AFF3: variants seen among roughly 807,000 people sequenced by gnomAD.
AFF3 encodes the protein ALF transcription elongation factor 3.
In AFF3, 32 loss-of-function variants were observed where a neutral mutation model predicts 129.7. The ratio of observed to expected loss-of-function variants is 0.25; its 90% confidence interval spans 0.19 to 0.33. AFF3 has a LOEUF of 0.33. Among genes scored for constraint, AFF3 ranks in the 10% least tolerant of loss-of-function variants. The pLI is 1.00. For missense variants in AFF3, 1,373 were observed against 1,592.0 expected (o/e 0.86, Z 2.34); for synonymous variants, 644 against 635.4 (o/e 1.01, Z -0.20).
At chr2:99,987,017 T>C (rs1679934628) in intron 7 of AFF3, among the ~76,000 whole-genome samples, 2 of 152,220 alleles carry the variant, frequency 1.3e-5, no homozygotes, top group Admixed American at 1.3e-4. Flanking sequence ...GGCCGATCGT[T>C]ACAAACGTAA....
At chr2:99,568,744 C>A (rs1676210069) in intron 19 of AFF3, 108 bp downstream of exon 19, 3 of 1,106,178 alleles carry the variant, frequency 2.7e-6, no homozygotes, top group Non-Finnish European at 4.1e-6. Context: ...ACAGACCCGG[C>A]CATCCTTGTA....
At chr2:100,036,749 G>T (rs1684944859) in intron 4 of AFF3, among the ~76,000 whole-genome samples, 1 of 148,510 alleles carries the variant, frequency 6.7e-6, no homozygotes, top group Non-Finnish European at 1.5e-5. Context: ...GAAAATCAGA[G>T]AAATATGAGT....
chr2:99,719,877 A>C (rs926322515), intron 11 of AFF3, among the ~76,000 whole-genome samples: 1 of 152,086 alleles, frequency 6.6e-6, no homozygotes, highest in African/African-American at 2.4e-5. Context: ...CTCTACTAAA[A>C]ATACAAAAAA....
intron 1 of AFF3, among the ~76,000 whole-genome samples, chr2:100,140,188 A>G (rs946710399): frequency 2.3e-4 from 35 of 152,164 alleles, no homozygotes; most frequent in African/African-American, 8.4e-4. Context: ...AGGACATTAC[A>G]CCCACTTCAC....
intron 20 of AFF3, among the ~76,000 whole-genome samples, chr2:99,562,934 G>T (rs528359913): frequency 5.1e-4 from 78 of 152,268 alleles, no homozygotes; most frequent in Middle Eastern, 3.4e-3. Context: ...TGCCTGCGGA[G>T]AGTGGAAGGG....
intron 8 of AFF3, among the ~76,000 whole-genome samples, chr2:99,768,681 G>A (rs1193986422): frequency 6.6e-6 from 1 of 152,100 alleles, no homozygotes; most frequent in African/African-American, 2.4e-5. Flanking sequence ...CGACAGGTCT[G>A]GTGTTGAGGA....
At chr2:99,893,678 G>C (rs990595664) in intron 7 of AFF3, among the ~76,000 whole-genome samples, 1 of 152,170 alleles carries the variant, frequency 6.6e-6, no homozygotes, top group Non-Finnish European at 1.5e-5. Context: ...ATGGCATTTT[G>C]TTACGGCAGC....
intron 7 of AFF3, among the ~76,000 whole-genome samples, chr2:99,979,536 T>C (rs1679204432): frequency 6.6e-6 from 1 of 151,922 alleles, no homozygotes; most frequent in Admixed American, 6.6e-5. Context: ...TGGAGTGCAG[T>C]GGTATAATCA....
chr2:99,557,617 T>G (rs886905772), intron 22 of AFF3, among the ~76,000 whole-genome samples: 2 of 152,208 alleles, frequency 1.3e-5, no homozygotes, highest in Non-Finnish European at 2.9e-5. Flanking sequence ...ACGTTCTGGA[T>G]TTTTGAACAC....
rs1285811831 is a variant in AFF3, at chr2:99,703,456, A to G, written c.1091+23621T>C. ...CGATGTGAAGTTTGGATTGAAGTTC[A>G]TTTTATTTTAGCCTATGAATGTCCG... On this transcript the variant is annotated intron_variant, in intron 11 of 24. Transcript: ENST00000672756. 2.6e-5 allele frequency among the ~76,000 whole-genome samples: 4 copies of G among 152,262 alleles called. No individual in the cohort carries two copies. The East Asian group carries it at 7.7e-4, about 29-fold the overall frequency.
In AFF3 at chr2:99,914,128, T is replaced by C. The variant is rs577417037; in HGVS notation, c.874-76604A>G. Among the ~76,000 whole-genome samples the C allele has an allele frequency of 9.2e-4, 140 of 152,302 alleles. 1 individual carries two copies. The highest frequency in any genetic ancestry group is 3.5e-3 in the South Asian group (17 of 4,830). On this transcript the variant is annotated intron_variant, in intron 7 of 24. Coordinates refer to ENST00000672756, the MANE Select transcript of AFF3 (RefSeq NM_001386135.1). ...AACTTCAGTGGAGAAACTTGGCAGA[T>C]ACCCTCTTAACCAAGTGATGGCATT... is the stretch of plus-strand genomic sequence containing the variant.
chr2:99,554,528 A>G lies in AFF3; in HGVS notation c.3342T>C (p.Thr1114=). 6.2e-7 allele frequency: 1 copy of G among 1,612,886 alleles called. No homozygotes were observed. The highest frequency in any genetic ancestry group is 8.5e-7 in the Non-Finnish European group (1 of 1,179,558). Reference sequence around the variant, plus strand: ...TGGGAGACATGGGGGATGGGGTTCCAGTGCTCCTGGAAGGGGAGAGGTAGA... The same window carrying G: ...TGGGAGACATGGGGGATGGGGTTCCGGTGCTCCTGGAAGGGGAGAGGTAGA... ...PSPWGASGKS[T]GTPSPMSPNP... The change falls in exon 24 of 25, where the codon ACT becomes ACC. Residue 1114 remains threonine, a synonymous_variant. Transcript: ENST00000672756.
intron 11 of AFF3, among the ~76,000 whole-genome samples, chr2:99,715,437 G>A (rs1041127506): frequency 7.9e-5 from 12 of 152,060 alleles, no homozygotes; most frequent in Admixed American, 2.0e-4. Flanking sequence ...TACGAAACAG[G>A]CACTTTCCAT....
rs1223634487 is a variant in AFF3, at chr2:100,046,941, C to T, written c.54-38009G>A. ...AGAATAGGATTTCTCAGAATGAAAA[C>T]AAATCTATGACTCCTCTTAACAGCC... On this transcript the variant is annotated intron_variant, in intron 4 of 24. Coordinates refer to ENST00000672756, the MANE Select transcript of AFF3 (RefSeq NM_001386135.1). Among the ~76,000 whole-genome samples, 4 of 149,740 alleles carry T rather than the reference C, an allele frequency of 2.7e-5. No individual in the cohort carries two copies. The East Asian group carries it at 5.9e-4, about 22-fold the overall frequency.
intron 7 of AFF3, among the ~76,000 whole-genome samples, chr2:99,856,378 G>A (rs965213256): frequency 6.6e-6 from 1 of 152,092 alleles, no homozygotes; most frequent in African/African-American, 2.4e-5. Flanking sequence ...GAACTCACAT[G>A]GGGAGAGACA....
rs1674314973 is a variant in AFF3, at chr2:99,550,267, T to C, written c.*1207A>G. 1 of 231,328 alleles carries C rather than the reference T, an allele frequency of 4.3e-6. No individual in the cohort carries two copies. Among genetic ancestry groups the C allele is most frequent in the African/African-American group, 2.2e-5 (1 of 45,360 alleles). The allele number at this position is 231,328 out of a possible 1,614,324, so 14.3% of individuals were successfully genotyped here. A position where few individuals can be genotyped will look rare whatever the true frequency, so the allele number is the denominator to read the frequency against. On this transcript the variant is annotated 3_prime_UTR_variant, in exon 25 of 25. Coordinates refer to ENST00000672756, the MANE Select transcript of AFF3 (RefSeq NM_001386135.1). ...CACAGGACACAGGAAGAGGCTCTGG[T>C]TGCTGCTGCCCCAGAAAGGAACTGT...
In AFF3 at chr2:99,566,016, C is replaced by T. The variant is rs576881795; in HGVS notation, c.2983-393G>A. Among the ~76,000 whole-genome samples the T allele has an allele frequency of 3.7e-4, 57 of 152,326 alleles. 1 individual carries two copies. Among genetic ancestry groups the T allele is most frequent in the South Asian group, 2.5e-3 (12 of 4,828 alleles). On this transcript the variant is annotated intron_variant, in intron 19 of 24. Coordinates refer to ENST00000672756, the MANE Select transcript of AFF3 (RefSeq NM_001386135.1). ...CTGGTCCCATATAAGAGTTTTCATA[C>T]TTCTTTTGGTACATCCCCAACTTGG... is the stretch of plus-strand genomic sequence containing the variant.
chr2:100,070,867 G>A (rs1458777056), intron 4 of AFF3, among the ~76,000 whole-genome samples: 3 of 104,918 alleles, frequency 2.9e-5, no homozygotes, highest in Admixed American at 8.2e-5. Flanking sequence ...TTTTTTTCAC[G>A]AAAGCCTTTT....
intron 12 of AFF3, among the ~76,000 whole-genome samples, chr2:99,656,986 G>C (rs977838955): frequency 3.9e-5 from 6 of 152,118 alleles, no homozygotes; most frequent in Non-Finnish European, 8.8e-5. Flanking sequence ...AACCAGACTG[G>C]AGTCAGAGAC....
Sources: gnomAD v4.1 joint callset for allele counts (sites outside exome capture counted in the v4.1 genomes callset) on GRCh38, gnomAD v4.1.1 for gene constraint, MANE v1.5 for transcripts, NCBI Gene and HGNC (gene_info 2026-07-23, HGNC 2026-07-21) for gene names.